SLC10A7: variants seen among roughly 807,000 people sequenced by gnomAD.
SLC10A7 encodes the protein solute carrier family 10 member 7.
In SLC10A7, 29 loss-of-function variants were observed where a neutral mutation model predicts 43.2. The observed-to-expected ratio is 0.67, with a 90% CI of 0.50 to 0.92. The LOEUF is 0.92. Ranked by LOEUF, SLC10A7 falls within the 40% of genes least tolerant of loss-of-function variation. SLC10A7 has a pLI of 0.00. For synonymous variants in SLC10A7, 152 were observed against 144.8 expected (o/e 1.05, Z -0.35); for missense variants, 295 against 403.2 (o/e 0.73, Z 2.30).
chr4:146,499,882 T>A (rs1736239972), intron 4 of SLC10A7, among the ~76,000 whole-genome samples: 1 of 152,214 alleles, frequency 6.6e-6, no homozygotes. Context: ...TTTAGAAGAA[T>A]CTAATGCTAC....
chr4:146,372,272 G>A (rs1315093191), intron 5 of SLC10A7, among the ~76,000 whole-genome samples: 1 of 151,808 alleles, frequency 6.6e-6, no homozygotes, highest in Non-Finnish European at 1.5e-5. Flanking sequence ...TGGGCAACAT[G>A]GAGACACCCC....
intron 4 of SLC10A7, among the ~76,000 whole-genome samples, chr4:146,452,076 C>T (rs1731651778): frequency 6.6e-6 from 1 of 151,958 alleles, no homozygotes; most frequent in South Asian, 2.1e-4. Flanking sequence ...CACCATGTTC[C>T]TAAACAAGGA....
At chr4:146,327,343 C>G (rs1467288082) in intron 5 of SLC10A7, among the ~76,000 whole-genome samples, 1 of 152,170 alleles carries the variant, frequency 6.6e-6, no homozygotes, top group Non-Finnish European at 1.5e-5. Context: ...CTTATTAAAA[C>G]AGGTATTGTG....
At chr4:146,423,655 G>T (rs1303770480) in intron 5 of SLC10A7, among the ~76,000 whole-genome samples, 1 of 152,162 alleles carries the variant, frequency 6.6e-6, no homozygotes. Context: ...TTTCAACAGT[G>T]AAGAGCTTAG....
At chr4:146,339,131 T>G (rs1208804922) in intron 5 of SLC10A7, among the ~76,000 whole-genome samples, 1 of 151,982 alleles carries the variant, frequency 6.6e-6, no homozygotes, top group African/African-American at 2.4e-5. Context: ...AATCAAAAAC[T>G]GATTCTCTTT....
chr4:146,287,159 G>GAGTGGTGAGAAGGACCGTGTCTGC (rs1730078426), intron 9 of SLC10A7, among the ~76,000 whole-genome samples: 2 of 152,010 alleles, frequency 1.3e-5, no homozygotes, highest in African/African-American at 4.8e-5. Flanking sequence ...ACCGTGTCTG[G>GAGTGGTGAGAAGGACCGTGTCTGC]AGTGGTGAGA....
intron 1 of SLC10A7, among the ~76,000 whole-genome samples, chr4:146,518,579 C>G (rs1201430612): frequency 6.6e-6 from 1 of 152,006 alleles, no homozygotes; most frequent in Non-Finnish European, 1.5e-5. Context: ...TTCATGCCCA[C>G]CCAGAACCTG....
At chr4:146,331,012 C>T (rs563899640) in intron 5 of SLC10A7, among the ~76,000 whole-genome samples, 1 of 152,130 alleles carries the variant, frequency 6.6e-6, no homozygotes, top group Non-Finnish European at 1.5e-5. Flanking sequence ...AAAATCTATG[C>T]CTTCTTCAGC....
intron 9 of SLC10A7, among the ~76,000 whole-genome samples, chr4:146,286,200 G>A (rs111452329): frequency 0.026 from 1,270 of 48,888 alleles, no homozygotes; most frequent in African/African-American, 0.051. Context: ...GAGAAGGACC[G>A]TGTTTGGAGT....
At chr4:146,374,866 T>C (rs939748448) in intron 5 of SLC10A7, among the ~76,000 whole-genome samples, 55 of 152,280 alleles carry the variant, frequency 3.6e-4, no homozygotes, top group Admixed American at 5.9e-4. Flanking sequence ...TTTCTAGAGA[T>C]GCAGAGTCAC....
At chr4:146,290,433 G>T (rs1236090962) in intron 9 of SLC10A7, among the ~76,000 whole-genome samples, 4 of 151,482 alleles carry the variant, frequency 2.6e-5, no homozygotes, top group Non-Finnish European at 5.9e-5. Flanking sequence ...AGACAAATTC[G>T]AAGTAAATCA....
chr4:146,433,952 C>T (rs185182611), intron 5 of SLC10A7, among the ~76,000 whole-genome samples: 2 of 152,004 alleles, frequency 1.3e-5, no homozygotes, highest in Non-Finnish European at 2.9e-5. Flanking sequence ...TTTACATTAT[C>T]CTTAAAAGAT....
At chr4:146,509,323 A>AT (rs1416071944) in intron 3 of SLC10A7, among the ~76,000 whole-genome samples, 1 of 152,248 alleles carries the variant, frequency 6.6e-6, no homozygotes, top group Non-Finnish European at 1.5e-5. Context: ...TTCAATTGAT[A>AT]TCCCCAACAT....
intron 4 of SLC10A7, among the ~76,000 whole-genome samples, chr4:146,455,689 A>C (rs529300390): frequency 3.3e-5 from 5 of 152,054 alleles, no homozygotes; most frequent in Non-Finnish European, 7.4e-5. Flanking sequence ...AGATCATCTC[A>C]TCAAGGCACT....
rs148818222 is a variant in SLC10A7 at position 146,453,050 on chromosome 4, TAA to T, written c.397-10231_397-10230del. ...GTGTGTGTGTGTATATATATATATA[TAA>T]ATATACAATCTTCAAGTTAAGAGTG... On this transcript the variant is annotated intron_variant, in intron 4 of 11. Coordinates refer to ENST00000335472, the MANE Select transcript of SLC10A7 (RefSeq NM_001029998.6). Among the ~76,000 whole-genome samples, 481 of 142,944 alleles carry T rather than the reference TAA, an allele frequency of 3.4e-3. 2 individuals are homozygous for T. Among genetic ancestry groups the T allele is most frequent in the African/African-American group, 1.0e-2 (386 of 38,608 alleles). The allele number at this position is 142,944 out of a possible 152,430, so 93.8% of individuals were successfully genotyped here. A position where few individuals can be genotyped will look rare whatever the true frequency, so the allele number is the denominator to read the frequency against.
At chr4:146,316,597 C>A (rs1469222195) in intron 6 of SLC10A7, among the ~76,000 whole-genome samples, 2 of 151,976 alleles carry the variant, frequency 1.3e-5, no homozygotes, top group African/African-American at 4.8e-5. Flanking sequence ...TGTTTATAAG[C>A]CACCCAGTTT....
chr4:146,362,103 C>T (rs1208072112), intron 5 of SLC10A7, among the ~76,000 whole-genome samples: 1 of 151,772 alleles, frequency 6.6e-6, no homozygotes, highest in Non-Finnish European at 1.5e-5. Flanking sequence ...TAGAAAATAG[C>T]CTCAAAAGGG....
intron 5 of SLC10A7, among the ~76,000 whole-genome samples, chr4:146,372,453 CA>C (rs3042366): frequency 0.61 from 72,044 of 117,234 alleles, 19,684 homozygotes; most frequent in East Asian, 0.67. Flanking sequence ...AACCCTGTTT[CA>C]AAAAAAAAAA....
At chr4:146,399,415 C>T (rs754958707) in intron 5 of SLC10A7, among the ~76,000 whole-genome samples, 14 of 152,132 alleles carry the variant, frequency 9.2e-5, no homozygotes, top group Non-Finnish European at 1.8e-4. Context: ...TATGGGAATA[C>T]AATGTAAACG....
Sources: gnomAD v4.1 joint callset for allele counts (sites outside exome capture counted in the v4.1 genomes callset) on GRCh38, gnomAD v4.1.1 for gene constraint, MANE v1.5 for transcripts, NCBI Gene and HGNC (gene_info 2026-07-23, HGNC 2026-07-21) for gene names.